The following RASGRP3 variants were observed in gnomAD, a reference collection of about 807,000 sequenced individuals.
RASGRP3 encodes ras guanyl-releasing protein 3.
Under a neutral mutation model 82.7 loss-of-function variants are expected in RASGRP3, and 54 were observed. The observed-to-expected ratio is 0.65, with a 90% CI of 0.52 to 0.82. The LOEUF (loss-of-function observed/expected upper bound fraction) is 0.82, where lower values mean the gene tolerates loss of function less well. RASGRP3 is among the 40% of genes least tolerant of loss of function. The probability of loss-of-function intolerance (pLI) is 0.00; values close to 1 mark genes in which losing one functional copy is unlikely to be tolerated. For missense variants in RASGRP3, 861 were observed against 828.9 expected (o/e 1.04, Z -0.48); for synonymous variants, 309 against 300.5 (o/e 1.03, Z -0.29).
intron 2 of RASGRP3, among the ~76,000 whole-genome samples, chr2:33,468,269 A>G (rs1439680445): frequency 6.6e-6 from 1 of 152,164 alleles, no homozygotes; most frequent in Non-Finnish European, 1.5e-5. Context: ...TAAAAATTTG[A>G]TATATAATGT....
chr2:33,494,444 C>T (rs919135741), intron 1 of RASGRP3, among the ~76,000 whole-genome samples: 3 of 152,190 alleles, frequency 2.0e-5, no homozygotes, highest in African/African-American at 7.2e-5. Flanking sequence ...ACAAGTGACT[C>T]ATTCTAAGGG....
upstream of RASGRP3, among the ~76,000 whole-genome samples, chr2:33,474,947 A>G (rs1667270302): frequency 6.6e-6 from 1 of 152,220 alleles, no homozygotes; most frequent in African/African-American, 2.4e-5. Context: ...GCAATGGATC[A>G]TCAGAATAAT....
At chr2:33,466,064 A>C (rs563762899) in intron 2 of RASGRP3, among the ~76,000 whole-genome samples, 1 of 151,950 alleles carries the variant, frequency 6.6e-6, no homozygotes, top group Non-Finnish European at 1.5e-5. Context: ...CAAAGAGATG[A>C]ATGTTGTTTT....
At chr2:33,526,172 T>C (rs1293796822) in intron 9 of RASGRP3, among the ~76,000 whole-genome samples, 1 of 152,212 alleles carries the variant, frequency 6.6e-6, no homozygotes, top group African/African-American at 2.4e-5. Flanking sequence ...GGCTTAACCC[T>C]GAGTTCCTGA....
intron 1 of RASGRP3, among the ~76,000 whole-genome samples, chr2:33,502,735 G>A (rs556042828): frequency 1.8e-4 from 28 of 152,120 alleles, no homozygotes; most frequent in African/African-American, 6.3e-4. Flanking sequence ...GGCTGATCCC[G>A]AACTCCTGAC....
intron 1 of RASGRP3, among the ~76,000 whole-genome samples, chr2:33,503,407 G>C (rs1315734620): frequency 6.6e-6 from 1 of 152,164 alleles, no homozygotes; most frequent in South Asian, 2.1e-4. Flanking sequence ...TGATGTCTTA[G>C]ATGGGAGGAA....
chr2:33,496,524 A>G (rs963239659), intron 1 of RASGRP3, among the ~76,000 whole-genome samples: 6 of 152,234 alleles, frequency 3.9e-5, no homozygotes, highest in African/African-American at 1.4e-4. Context: ...AGATCTGGAT[A>G]TATCTAGATG....
At chr2:33,556,195 CT>C (rs945349519) in intron 15 of RASGRP3, among the ~76,000 whole-genome samples, 2 of 146,152 alleles carry the variant, frequency 1.4e-5, no homozygotes, top group African/African-American at 5.0e-5. Context: ...TTGCTGGACA[CT>C]TTATGTGGAC....
chr2:33,522,796 A>G (rs1339738949), intron 7 of RASGRP3, among the ~76,000 whole-genome samples: 1 of 152,206 alleles, frequency 6.6e-6, no homozygotes, highest in Non-Finnish European at 1.5e-5. Context: ...TCAGAGAATG[A>G]ATTACATTAT....
At chr2:33,439,544 T>C (rs147533981) in intron 1 of RASGRP3, among the ~76,000 whole-genome samples, 187 of 152,348 alleles carry the variant, frequency 1.2e-3, no homozygotes, top group East Asian at 0.012. Context: ...TTAGTCTAAG[T>C]GTGCCCTACT....
In RASGRP3 at chr2:33,455,271, T is replaced by C. The variant is rs191441281; in HGVS notation, c.-261+7328T>C. On this transcript the variant is annotated intron_variant, in intron 2 of 18. Transcript: ENST00000402538. The stretch of plus-strand genomic sequence containing the variant: ...TCTTAAGAAATTCATGAAACAAATA[T>C]TGCCATTCTCATCTTGTTGCTTGAT... Among the ~76,000 whole-genome samples, 283 of 152,360 alleles carry C rather than the reference T, an allele frequency of 1.9e-3. 2 individuals carry two copies. The highest frequency in any genetic ancestry group is 3.3e-3 in the Non-Finnish European group (227 of 68,032).
At chr2:33,527,544 T>A in intron 10 of RASGRP3, 132 bp downstream of exon 10, 1 of 972,914 alleles carries the variant, frequency 1.0e-6, no homozygotes. Flanking sequence ...TGAGAGGAAA[T>A]CTCATAGAAC....
chr2:33,559,891 G>A (rs902529333), intron 17 of RASGRP3, among the ~76,000 whole-genome samples: 4 of 152,156 alleles, frequency 2.6e-5, no homozygotes, highest in Non-Finnish European at 5.9e-5. Context: ...CATTTCCCAT[G>A]ATGAGAAAAA....
chr2:33,520,760 T>A, intron 6 of RASGRP3, 76 bp downstream of exon 6: 1 of 1,566,284 alleles, frequency 6.4e-7, no homozygotes, highest in Non-Finnish European at 8.7e-7. Context: ...ACCCCACTTG[T>A]TCTGAGTCCA....
At chr2:33,501,753 T>A (rs912260042) in intron 1 of RASGRP3, among the ~76,000 whole-genome samples, 1 of 152,160 alleles carries the variant, frequency 6.6e-6, no homozygotes, top group Non-Finnish European at 1.5e-5. Flanking sequence ...ATGAGAACCG[T>A]TGGCAGTTTA....
chr2:33,465,285 T>C (rs899318178), intron 2 of RASGRP3, among the ~76,000 whole-genome samples: 2 of 152,154 alleles, frequency 1.3e-5, no homozygotes, highest in African/African-American at 4.8e-5. Context: ...TAGAGCAAAG[T>C]CCTAATTCTC....
rs77412247 is a variant in RASGRP3 at position 33,488,398 on chromosome 2, A to C, written c.-261+11691A>C. Among the ~76,000 whole-genome samples, 953 of 152,330 alleles carry C rather than the reference A, an allele frequency of 6.3e-3. 9 individuals are homozygous for C. Among genetic ancestry groups the C allele is most frequent in the African/African-American group, 0.022 (918 of 41,582 alleles). On this transcript the variant is annotated intron_variant, in intron 1 of 17. Transcript: ENST00000403687. ...TAACAACTCTGAATAGTAATAATGGAACACAGAAGATGCTTTATTAGTAAA... is the reference window on the plus strand; with the variant it reads ...TAACAACTCTGAATAGTAATAATGGCACACAGAAGATGCTTTATTAGTAAA...
chr2:33,522,210 C>T (rs1672103247), intron 7 of RASGRP3, 108 bp downstream of exon 7: 17 of 1,299,190 alleles, frequency 1.3e-5, no homozygotes, highest in Non-Finnish European at 1.8e-5. Context: ...TCACTGTGCT[C>T]TGCTGGAGAA....
rs562229811 is a variant in RASGRP3 at position 33,524,693 on chromosome 2, A to T, written c.807+145A>T. 7.1e-5 allele frequency: 44 copies of T among 622,148 alleles called. No individual in the cohort carries two copies. The East Asian group carries it at 1.3e-3, about 18-fold the overall frequency. The allele number at this position is 622,148 out of a possible 1,614,324, so 38.5% of individuals were successfully genotyped here. A position where few individuals can be genotyped will look rare whatever the true frequency, so the allele number is the denominator to read the frequency against. ...GGTTATAAATGGGGACAAAGTAGAAAGGGAATAACCACACCAGCTGAGTCC... is the reference window on the plus strand; with the variant it reads ...GGTTATAAATGGGGACAAAGTAGAATGGGAATAACCACACCAGCTGAGTCC... On this transcript the variant is annotated intron_variant, in intron 9 of 17. Coordinates refer to ENST00000403687, the MANE Select transcript of RASGRP3 (RefSeq NM_001139488.2).
Sources: allele counts gnomAD v4.1 joint callset (sites outside exome capture counted in the v4.1 genomes callset), GRCh38; gene constraint gnomAD v4.1.1; transcripts MANE v1.5; gene names NCBI Gene and HGNC (gene_info 2026-07-23, HGNC 2026-07-21).